The following HOXA3 variants were observed in gnomAD, a reference collection of about 807,000 sequenced individuals.
HOXA3 encodes the protein homeobox protein Hox-A3.
HOXA3 carries 8 observed loss-of-function variants against 30.3 expected under a neutral mutation model. The ratio of observed to expected loss-of-function variants is 0.26; its 90% CI spans 0.15 to 0.48. The LOEUF (loss-of-function observed/expected upper bound fraction) is 0.48, where lower values mean the gene tolerates loss of function less well. Among genes scored for constraint, HOXA3 ranks in the 20% least tolerant of loss-of-function variants. The pLI, the probability that HOXA3 is intolerant of heterozygous loss-of-function variation, is 0.99. For synonymous variants in HOXA3, 323 were observed against 273.1 expected (o/e 1.18, Z -1.80); for missense variants, 653 against 614.4 (o/e 1.06, Z -0.66).
At chr7:27,141,473 A>C (rs78899540) in intron 1 of HOXA3, 7,921 of 206,864 alleles carry the variant, frequency 0.038, 210 homozygotes, top group Non-Finnish European at 0.054. Flanking sequence ...AAACAACTTG[A>C]GTGCAACACA....
chr7:27,127,230 C>T (rs1785320922), intron 2 of HOXA3, among the ~76,000 whole-genome samples, 160 bp from the exon 3 acceptor site: 1 of 152,198 alleles, frequency 6.6e-6, no homozygotes, highest in African/African-American at 2.4e-5. Context: ...AAATCCCTGG[C>T]ACCCGTTCAC....
Position 27,143,797 on chromosome 7 carries a change from A to T in HOXA3, c.-493-3611T>A. 6 of 1,099,978 alleles carry T rather than the reference A, an allele frequency of 5.5e-6. 1 individual carries two copies. The highest frequency in any genetic ancestry group is 4.9e-6 in the Non-Finnish European group (4 of 820,992). The allele number at this position is 1,099,978 out of a possible 1,614,324, so 68.1% of individuals were successfully genotyped here. A position where few individuals can be genotyped will look rare whatever the true frequency, so the allele number is the denominator to read the frequency against. On this transcript the variant is annotated intron_variant, in intron 1 of 5. Coordinates refer to ENST00000612286, the MANE Select transcript of HOXA3 (RefSeq NM_153631.3). ...GTTGTCCAGTCGTAAATCCTGCCTG[A>T]TGACCTCTAGAGGTAAACTCGTGCA...
At chr7:27,119,875 T>A (rs1207000076) in intron 4 of HOXA3, among the ~76,000 whole-genome samples, 1 of 152,144 alleles carries the variant, frequency 6.6e-6, no homozygotes, top group African/African-American at 2.4e-5. Flanking sequence ...TAAGGTTCAA[T>A]CTGTGGTGTA....
At chr7:27,130,623 G>T in intron 2 of HOXA3, 1 of 1,564,516 alleles carries the variant, frequency 6.4e-7, no homozygotes, top group Non-Finnish European at 8.7e-7. Flanking sequence ...CGGGGCCCCC[G>T]CCCGGGCCGC....
At chr7:27,134,893 TAAAAAA>T (rs1421830103) in intron 2 of HOXA3, among the ~76,000 whole-genome samples, 2 of 152,220 alleles carry the variant, frequency 1.3e-5, no homozygotes, top group African/African-American at 2.4e-5. Flanking sequence ...TTTCCAAAGT[TAAAAAA>T]GAAAAACCTA....
At chr7:27,125,776 T>C (rs1488717095) in intron 3 of HOXA3, among the ~76,000 whole-genome samples, 1 of 152,116 alleles carries the variant, frequency 6.6e-6, no homozygotes, top group East Asian at 1.9e-4. Flanking sequence ...ATTCTTTGGG[T>C]TTTTCTTCTC....
chr7:27,143,657 T>A (rs757975879), intron 1 of HOXA3: 10 of 1,546,546 alleles, frequency 6.5e-6, no homozygotes, highest in African/African-American at 1.4e-5. Flanking sequence ...CGTTTGTGCG[T>A]CTATAGCACC....
chr7:27,114,880 T>TATATATAATATATCTTATATATAG (rs11271601), intron 4 of HOXA3, among the ~76,000 whole-genome samples: 1 of 98,404 alleles, frequency 1.0e-5, no homozygotes, highest in African/African-American at 3.9e-5. Context: ...ATTATATATA[T>TATATATAATATATCTTATATATAG]GTATATACAT....
chr7:27,136,590 C>T (rs1327143536), intron 2 of HOXA3, among the ~76,000 whole-genome samples: 1 of 152,182 alleles, frequency 6.6e-6, no homozygotes, highest in African/African-American at 2.4e-5. Flanking sequence ...GCTGGCGATT[C>T]CTAGGGTGTG....
chr7:27,123,124 T>G (rs1231988381), intron 3 of HOXA3: 9 of 152,266 alleles, frequency 5.9e-5, no homozygotes, highest in Admixed American at 5.9e-4. Context: ...GAAACCTCAC[T>G]AATATGTGTT....
At position 27,108,773 on chromosome 7, in the gene HOXA3, C is replaced by T; in HGVS notation, c.527-53G>A. Reference sequence around the variant, plus strand: ...CGTCAGGGGCTGCCGCGGCCCCGCCCAGCCCCTGACCCAGCCCGGCCCCTC... The same window carrying T: ...CGTCAGGGGCTGCCGCGGCCCCGCCTAGCCCCTGACCCAGCCCGGCCCCTC... On this transcript the variant is annotated intron_variant, in intron 5 of 5. Coordinates refer to ENST00000612286, the MANE Select transcript of HOXA3 (RefSeq NM_153631.3). This position sits in a 1 kb window ranked among gnomAD's most constrained non-coding sequence, Gnocchi z 5.0. 7.1e-7 allele frequency: 1 copy of T among 1,403,770 alleles called. No individual in the cohort carries two copies. Among genetic ancestry groups the T allele is most frequent in the South Asian group, 1.3e-5 (1 of 74,186 alleles). The allele number at this position is 1,403,770 out of a possible 1,614,324, so 87.0% of individuals were successfully genotyped here. A position where few individuals can be genotyped will look rare whatever the true frequency, so the allele number is the denominator to read the frequency against.
intron 2 of HOXA3, among the ~76,000 whole-genome samples, chr7:27,134,755 G>A (rs1176724631): frequency 6.6e-6 from 1 of 152,202 alleles, no homozygotes; most frequent in East Asian, 1.9e-4. Context: ...TTACTTCCAT[G>A]AAGGCAGTGT....
intron 2 of HOXA3, among the ~76,000 whole-genome samples, chr7:27,134,794 A>T (rs1006982943): frequency 4.6e-5 from 7 of 152,240 alleles, no homozygotes; most frequent in Non-Finnish European, 8.8e-5. Flanking sequence ...ACCACTGAAC[A>T]TACCTGGCAC....
In HOXA3 at chr7:27,110,236, A is replaced by G. The variant is rs773255204; in HGVS notation, c.405T>C (p.Pro135=). The G allele has an allele frequency of 1.3e-6, 2 of 1,567,366 alleles. No individual in the cohort carries two copies. The highest frequency in any genetic ancestry group is 1.5e-5 in the African/African-American group (1 of 67,202). The change falls in exon 5 of 6, where the codon CCT becomes CCC. Residue 135 remains proline, a synonymous_variant. Coordinates refer to ENST00000612286, the MANE Select transcript of HOXA3 (RefSeq NM_153631.3). ...GGCTCTTGGCCGCGTTGGCAGGGGT[A>G]GGGTTGTTGCTGGCATTCTGAGGAG... ...ASPPQNASNN[P]TPANAAKSPL...
chr7:27,147,948 G>A (rs1344064413), intron 1 of HOXA3, among the ~76,000 whole-genome samples: 1 of 152,256 alleles, frequency 6.6e-6, no homozygotes, highest in Non-Finnish European at 1.5e-5. Context: ...GACCGAGGCA[G>A]CAAAGTTACA....
At chr7:27,114,861 ATAATATATATTAT>A (rs1784618340) in intron 4 of HOXA3, among the ~76,000 whole-genome samples, 1 of 98,562 alleles carries the variant, frequency 1.0e-5, no homozygotes, top group Non-Finnish European at 2.1e-5. Flanking sequence ...TATTATATAT[ATAATATATATTAT>A]ATATATGTAT....
intron 1 of HOXA3, chr7:27,142,577 T>C (rs1782608303): frequency 1.1e-5 from 2 of 183,130 alleles, no homozygotes; most frequent in South Asian, 3.2e-4. Flanking sequence ...CCCCCAAAAT[T>C]CAGAATCCTG....
chr7:27,107,515 A>AT lies in HOXA3; in HGVS notation c.*399_*400insA, dbSNP rs1473926167. 3 of 161,212 alleles carry AT rather than the reference A, an allele frequency of 1.9e-5. No homozygotes were observed. The highest frequency in any genetic ancestry group is 3.0e-3 in the Middle Eastern group (1 of 332). 10.0% of individuals were successfully genotyped at this position (161,212 alleles called of 1,614,324 possible). A position where few individuals can be genotyped will look rare whatever the true frequency, so the allele number is the denominator to read the frequency against. On this transcript the variant is annotated 3_prime_UTR_variant, in exon 6 of 6. Transcript: ENST00000612286. ...TTACAAGAAGTGCAATTAAAAAAAAAATTTAAAATTAAAAAAAGTAATCGC... is the reference window on the plus strand; with the variant it reads ...TTACAAGAAGTGCAATTAAAAAAAAATATTTAAAATTAAAAAAAGTAATCGC...
At chr7:27,114,835 T>TATA (rs1491254135) in intron 4 of HOXA3, among the ~76,000 whole-genome samples, 2 of 93,482 alleles carry the variant, frequency 2.1e-5, no homozygotes, top group Non-Finnish European at 4.3e-5. Context: ...ATAATATATA[T>TATA]TATATATATA....
Sources: gnomAD v4.1 joint callset for allele counts (sites outside exome capture counted in the v4.1 genomes callset) on GRCh38, gnomAD v4.1.1 for gene constraint, Gnocchi (gnomAD v3.1) non-coding constraint, MANE v1.5 for transcripts, NCBI Gene and HGNC (gene_info 2026-07-23, HGNC 2026-07-21) for gene names.